The following ABCG2 variants were observed in gnomAD, a reference collection of about 807,000 sequenced individuals.
The protein encoded by ABCG2 is ATP binding cassette subfamily G member 2 (JR blood group), also known as broad substrate specificity ATP-binding cassette transporter ABCG2.
In ABCG2, 80 loss-of-function variants were observed where a neutral mutation model predicts 73.5. The ratio of observed to expected loss-of-function variants is 1.09; its 90% confidence interval spans 0.91 to 1.31. ABCG2 has a LOEUF of 1.31. Ranked by LOEUF, ABCG2 falls within the 50% of genes most tolerant of loss-of-function variation. The probability of loss-of-function intolerance (pLI) is 0.00; values close to 1 mark genes in which losing one functional copy is unlikely to be tolerated. For synonymous variants in ABCG2, 269 were observed against 282.4 expected (o/e 0.95, Z 0.48); for missense variants, 796 against 786.2 (o/e 1.01, Z -0.15).
chr4:88,128,147 T>C (rs1456638269), intron 5 of ABCG2, among the ~76,000 whole-genome samples: 2 of 152,186 alleles, frequency 1.3e-5, no homozygotes, highest in African/African-American at 4.8e-5. Context: ...AAGACATTTA[T>C]GTAGCCAGCA....
At chr4:88,206,634 C>T (rs1334080041) in intron 1 of ABCG2, 3 of 152,190 alleles carry the variant, frequency 2.0e-5, no homozygotes, top group African/African-American at 7.2e-5. Context: ...CGTTCACACA[C>T]TTGCTACTCA....
chr4:88,202,093 G>A (rs578136620), intron 1 of ABCG2, among the ~76,000 whole-genome samples: 3 of 151,728 alleles, frequency 2.0e-5, no homozygotes, highest in East Asian at 1.9e-4. Context: ...AATGAATATC[G>A]GTGAAGTATC....
At chr4:88,207,378 C>T (rs1432096906) in intron 1 of ABCG2, among the ~76,000 whole-genome samples, 1 of 152,004 alleles carries the variant, frequency 6.6e-6, no homozygotes, top group South Asian at 2.1e-4. Flanking sequence ...TTTCCTGTGA[C>T]GTGGCATAAA....
At chr4:88,137,060 T>TAAAATAAAATAAAATAAAATAAAATA (rs1271680412) in intron 2 of ABCG2, among the ~76,000 whole-genome samples, 48 of 145,984 alleles carry the variant, frequency 3.3e-4, no homozygotes, top group African/African-American at 1.2e-3. Flanking sequence ...TAAAATAAAA[T>TAAAATAAAATAAAATAAAATAAAATA]AAGAATGAGG....
Position 88,183,047 on chromosome 4 carries a change from T to C in ABCG2, c.-19-43033A>G, listed in dbSNP as rs1728320428. 2.4e-5 allele frequency among the ~76,000 whole-genome samples: 3 copies of C among 125,186 alleles called. No homozygotes were observed. The East Asian group carries it at 7.8e-4, about 33-fold the overall frequency. 82.1% of individuals were successfully genotyped at this position (125,186 alleles called of 152,430 possible). ...TTGCAGTGAGCCGAGATCGCACCAC[T>C]GCACTCCAGCCTGGGCGACAGAGTG... On this transcript the variant is annotated intron_variant, in intron 1 of 15. Coordinates refer to the ABCG2 transcript ENST00000515655.
intron 1 of ABCG2, among the ~76,000 whole-genome samples, chr4:88,149,599 G>C (rs1169652432): frequency 4.6e-5 from 7 of 152,080 alleles, no homozygotes; most frequent in Admixed American, 1.3e-4. Context: ...TGCCTGTAAT[G>C]CCAGCACTTT....
At position 88,229,978 on chromosome 4, in the gene ABCG2, C is replaced by CATTATTATCATTATT. The variant is rs1553902136; in HGVS notation, c.-20+1015_-20+1016insAATAATGATAATAAT. 1.9e-3 allele frequency among the ~76,000 whole-genome samples: 276 copies of CATTATTATCATTATT among 143,574 alleles called. 1 individual carries two copies. Among genetic ancestry groups the CATTATTATCATTATT allele is most frequent in the Admixed American group, 6.9e-3 (97 of 14,098 alleles). 94.2% of individuals were successfully genotyped at this position (143,574 alleles called of 152,430 possible). A position where few individuals can be genotyped will look rare whatever the true frequency, so the allele number is the denominator to read the frequency against. ...GAAATCAGCTATTTTTTCTGGCATGCATTATTATTATTATTATTATTATTA... is the reference window on the plus strand; with the variant it reads ...GAAATCAGCTATTTTTTCTGGCATGCATTATTATCATTATTATTATTATTATTATTATTATTATTA... On this transcript the variant is annotated intron_variant, in intron 1 of 15. Coordinates refer to the ABCG2 transcript ENST00000515655.
chr4:88,209,270 A>G (rs1216709475), intron 1 of ABCG2, among the ~76,000 whole-genome samples: 5 of 146,244 alleles, frequency 3.4e-5, no homozygotes, highest in Non-Finnish European at 7.5e-5. Flanking sequence ...AGATGGCACC[A>G]CTGCACTCCA....
chr4:88,153,972 G>C (rs1726740249), intron 1 of ABCG2, among the ~76,000 whole-genome samples: 1 of 152,166 alleles, frequency 6.6e-6, no homozygotes, highest in African/African-American at 2.4e-5. Context: ...CAGGCTAGCG[G>C]CTTGTAACCT....
At position 88,177,780 on chromosome 4, in the gene ABCG2, A is replaced by G. The variant is rs954950536; in HGVS notation, c.-19-37766T>C. Among the ~76,000 whole-genome samples, 3 of 152,154 alleles carry G rather than the reference A, an allele frequency of 2.0e-5. No homozygotes were observed. The East Asian group carries it at 5.8e-4, about 29-fold the overall frequency. On this transcript the variant is annotated intron_variant, in intron 1 of 15. Coordinates refer to the ABCG2 transcript ENST00000515655. ...CTGTGTGTTGGGGGAGGGAGAGCAC[A>G]GCGATTATGGGACTTCGCATTGGAA...
At chr4:88,167,151 T>G (rs1727555042) in intron 1 of ABCG2, among the ~76,000 whole-genome samples, 1 of 151,846 alleles carries the variant, frequency 6.6e-6, no homozygotes, top group South Asian at 2.1e-4. Context: ...AAATGAACTC[T>G]TAGCTGGACA....
chr4:88,199,161 G>T (rs1488605625), intron 1 of ABCG2, among the ~76,000 whole-genome samples: 1 of 151,880 alleles, frequency 6.6e-6, no homozygotes, highest in Non-Finnish European at 1.5e-5. Context: ...TAAAGACGGG[G>T]TTTCACCATG....
At chr4:88,123,772 C>T (rs1472521132) in intron 5 of ABCG2, among the ~76,000 whole-genome samples, 1 of 152,080 alleles carries the variant, frequency 6.6e-6, no homozygotes, top group Non-Finnish European at 1.5e-5. Context: ...ACTTCCCCAA[C>T]CTAGCAAGAC....
intron 5 of ABCG2, among the ~76,000 whole-genome samples, chr4:88,129,473 C>A (rs781678225): frequency 1.3e-5 from 2 of 152,106 alleles, no homozygotes; most frequent in African/African-American, 2.4e-5. Context: ...TCCTAACAAG[C>A]AACATAGGGC....
intron 1 of ABCG2, among the ~76,000 whole-genome samples, chr4:88,186,560 G>A (rs1728461055): frequency 6.6e-6 from 1 of 152,058 alleles, no homozygotes; most frequent in African/African-American, 2.4e-5. Flanking sequence ...CAGATCACTT[G>A]AGATCAGGAG....
chr4:88,098,681 T>C (rs1426521531), intron 12 of ABCG2, among the ~76,000 whole-genome samples: 1 of 151,602 alleles, frequency 6.6e-6, no homozygotes, highest in African/African-American at 2.4e-5. Flanking sequence ...GATAGATAGA[T>C]AGATAGACAG....
At chr4:88,230,290 GT>G (rs1560470268) in intron 1 of ABCG2, among the ~76,000 whole-genome samples, 1 of 16,170 alleles carries the variant, frequency 6.2e-5, no homozygotes, top group African/African-American at 3.0e-4. Context: ...CACCGCACCT[GT>G]TATATATATA....
At chr4:88,195,044 A>G (rs1278275051) in intron 1 of ABCG2, among the ~76,000 whole-genome samples, 7 of 152,206 alleles carry the variant, frequency 4.6e-5, no homozygotes, top group Admixed American at 2.0e-4. Context: ...AGTATTTATT[A>G]CAATATTCTC....
At chr4:88,199,432 A>C (rs1729065332) in intron 1 of ABCG2, among the ~76,000 whole-genome samples, 1 of 152,222 alleles carries the variant, frequency 6.6e-6, no homozygotes, top group South Asian at 2.1e-4. Context: ...AAAGATAAAG[A>C]AAAAATCTTC....
Sources: allele counts gnomAD v4.1 joint callset (sites outside exome capture counted in the v4.1 genomes callset), GRCh38; gene constraint gnomAD v4.1.1; transcripts MANE v1.5; gene names NCBI Gene and HGNC (gene_info 2026-07-23, HGNC 2026-07-21).